PLEKHA5: variants seen among roughly 807,000 people sequenced by gnomAD.
The protein encoded by PLEKHA5 is pleckstrin homology domain containing A5, also known as pleckstrin homology domain-containing family A member 5.
Under a neutral mutation model 181.9 loss-of-function variants are expected in PLEKHA5, and 55 were observed. The observed-to-expected ratio is 0.30, with a 90% confidence interval of 0.24 to 0.38. PLEKHA5 has a LOEUF of 0.38. Among genes scored for constraint, PLEKHA5 ranks in the 10% least tolerant of loss-of-function variants. PLEKHA5 has a pLI of 1.00. For synonymous variants in PLEKHA5, 535 were observed against 529.4 expected, an observed-to-expected ratio of 1.01 and a Z score of -0.15; for missense variants, 1,432 against 1,549.5, an observed-to-expected ratio of 0.92 and a Z score of 1.27.
intron 15 of PLEKHA5, among the ~76,000 whole-genome samples, chr12:19,308,206 T>C (rs1449973838): frequency 6.6e-6 from 1 of 152,104 alleles, no homozygotes; most frequent in African/African-American, 2.4e-5. Flanking sequence ...TGAATGGGAA[T>C]GATCATCATG....
chr12:19,286,855 A>G (rs549637841), intron 12 of PLEKHA5, among the ~76,000 whole-genome samples: 1 of 151,614 alleles, frequency 6.6e-6, no homozygotes, highest in Admixed American at 6.6e-5. Flanking sequence ...AATCCCAGCT[A>G]CTTGAGAGGC....
At chr12:19,317,991 A>G (rs953750762) in intron 16 of PLEKHA5, among the ~76,000 whole-genome samples, 5 of 148,184 alleles carry the variant, frequency 3.4e-5, no homozygotes, top group Non-Finnish European at 7.4e-5. Flanking sequence ...GTTACCATGA[A>G]CTTAAATTAA....
At chr12:19,264,792 A>AAGG (rs2069748907) in intron 7 of PLEKHA5, among the ~76,000 whole-genome samples, 1 of 152,004 alleles carries the variant, frequency 6.6e-6, no homozygotes, top group African/African-American at 2.4e-5. Flanking sequence ...GAAAAACAAA[A>AAGG]AAGTCACACA....
intron 7 of PLEKHA5, 116 bp downstream of exon 7, chr12:19,261,137 T>C (rs970201829): frequency 3.7e-6 from 2 of 543,526 alleles, no homozygotes; most frequent in African/African-American, 3.8e-5. Context: ...TATCAACAAA[T>C]AGTATCAAAC....
Position 19,296,546 on chromosome 12 carries a change from C to CA in PLEKHA5, c.2037+4865dup, listed in dbSNP as rs34063103. On this transcript the variant is annotated intron_variant, in intron 15 of 31. Transcript: ENST00000429027. ...TGGGTAACAGAGCAAGACTCTATCT[C>CA]AAAAAAAAAAAAAAAATGTATTCAG... Among the ~76,000 whole-genome samples, 1,126 of 139,894 alleles carry CA rather than the reference C, an allele frequency of 8.0e-3. 3 individuals are homozygous for CA. The highest frequency in any genetic ancestry group is 0.011 in the Non-Finnish European group (721 of 63,358). The allele number at this position is 139,894 out of a possible 152,430, so 91.8% of individuals were successfully genotyped here.
chr12:19,368,706 G>A (rs1414439902), intron 30 of PLEKHA5, among the ~76,000 whole-genome samples: 3 of 152,094 alleles, frequency 2.0e-5, no homozygotes, highest in East Asian at 1.9e-4. Context: ...CAGGAGAATC[G>A]CTTGAACTTG....
At chr12:19,189,650 T>G (rs896115415) in intron 3 of PLEKHA5, among the ~76,000 whole-genome samples, 10 of 152,156 alleles carry the variant, frequency 6.6e-5, no homozygotes, top group African/African-American at 2.4e-4. Flanking sequence ...GGAAGTTTGG[T>G]ATACCAGTCT....
intron 15 of PLEKHA5, among the ~76,000 whole-genome samples, chr12:19,310,258 C>T (rs2085973208): frequency 6.6e-6 from 1 of 152,136 alleles, no homozygotes; most frequent in Admixed American, 6.5e-5. Context: ...AAAATGGTTT[C>T]TTGGATTCTT....
intron 3 of PLEKHA5, among the ~76,000 whole-genome samples, chr12:19,244,242 G>A (rs2063214184): frequency 6.6e-6 from 1 of 151,280 alleles, no homozygotes; most frequent in Non-Finnish European, 1.5e-5. Flanking sequence ...GCAAGCTAGA[G>A]AGTATAATTG....
chr12:19,325,747 G>T (rs1328196524), intron 20 of PLEKHA5, among the ~76,000 whole-genome samples: 1 of 151,540 alleles, frequency 6.6e-6, no homozygotes, highest in African/African-American at 2.4e-5. Context: ...GGTGGCTCAA[G>T]CCTGTAATCT....
At chr12:19,342,171 G>A (rs1328677516) in intron 21 of PLEKHA5, among the ~76,000 whole-genome samples, 1 of 152,144 alleles carries the variant, frequency 6.6e-6, no homozygotes, top group Admixed American at 6.5e-5. Context: ...GTTTTTGTAT[G>A]TCATTGCCTA....
At chr12:19,361,300 A>C (rs968659581) in intron 28 of PLEKHA5, among the ~76,000 whole-genome samples, 1 of 152,110 alleles carries the variant, frequency 6.6e-6, no homozygotes, top group Non-Finnish European at 1.5e-5. Flanking sequence ...CTCCTGCCTC[A>C]GCCTCCCGAG....
At chr12:19,318,770 A>C (rs960456717) in intron 16 of PLEKHA5, among the ~76,000 whole-genome samples, 1 of 152,166 alleles carries the variant, frequency 6.6e-6, no homozygotes, top group African/African-American at 2.4e-5. Context: ...TAAAAATACA[A>C]AAATCAGCCA....
At chr12:19,313,427 T>C (rs967701031) in intron 15 of PLEKHA5, among the ~76,000 whole-genome samples, 4 of 152,200 alleles carry the variant, frequency 2.6e-5, no homozygotes, top group Admixed American at 6.5e-5. Context: ...CATGTAATTA[T>C]TAAGTTTGAC....
intron 3 of PLEKHA5, among the ~76,000 whole-genome samples, chr12:19,232,826 T>G (rs1304749271): frequency 6.6e-6 from 1 of 152,166 alleles, no homozygotes; most frequent in Non-Finnish European, 1.5e-5. Context: ...ATCTGAACTA[T>G]TATGTCAGTA....
intron 4 of PLEKHA5, 122 bp from the exon 5 acceptor site, chr12:19,254,923 G>A (rs2066439007): frequency 1.3e-6 from 1 of 779,524 alleles, no homozygotes; most frequent in African/African-American, 1.7e-5. Flanking sequence ...CCTGACTCTA[G>A]AGTAACTAGG....
At chr12:19,322,818 G>A in intron 20 of PLEKHA5, 151 bp downstream of exon 20, 1 of 586,870 alleles carries the variant, frequency 1.7e-6, no homozygotes, top group Non-Finnish European at 2.9e-6. Flanking sequence ...TTCTGTTTAG[G>A]AACATAAAAT....
intron 3 of PLEKHA5, among the ~76,000 whole-genome samples, chr12:19,196,737 G>C (rs1428771647): frequency 6.6e-6 from 1 of 151,616 alleles, no homozygotes; most frequent in Non-Finnish European, 1.5e-5. Context: ...TCAATAAATG[G>C]TGGCTGCTAT....
intron 3 of PLEKHA5, chr12:19,207,686 A>C (rs2055913119): frequency 6.6e-6 from 1 of 152,114 alleles, no homozygotes; most frequent in Non-Finnish European, 1.5e-5. Flanking sequence ...CCTGGAACTT[A>C]ATTTTTTCTG....
Sources: gnomAD v4.1 joint callset for allele counts (sites outside exome capture counted in the v4.1 genomes callset) on GRCh38, gnomAD v4.1.1 for gene constraint, MANE v1.5 for transcripts, NCBI Gene and HGNC (gene_info 2026-07-23, HGNC 2026-07-21) for gene names.